The following CA5A variants were observed in gnomAD, a reference collection of about 807,000 sequenced individuals.
The protein encoded by CA5A is carbonic anhydrase 5A, also known as carbonic anhydrase 5A, mitochondrial.
CA5A carries 28 observed loss-of-function variants against 37.1 expected under a neutral mutation model. That is an observed-to-expected ratio of 0.75 (90% CI 0.56 to 1.03). The LOEUF (loss-of-function observed/expected upper bound fraction) is 1.03, where lower values mean the gene tolerates loss of function less well. Among genes scored for constraint, CA5A ranks in the 50% least tolerant of loss-of-function variants. CA5A has a pLI of 0.00. For synonymous variants in CA5A, 171 were observed against 158.4 expected (o/e 1.08, Z -0.60); for missense variants, 444 against 399.9 (o/e 1.11, Z -0.94).
intron 1 of CA5A, among the ~76,000 whole-genome samples, chr16:87,929,032 G>A (rs1190655871): frequency 6.6e-6 from 1 of 150,528 alleles, no homozygotes; most frequent in Non-Finnish European, 1.5e-5. Context: ...GCCTCCCAAA[G>A]TGCTGGGATT....
chr16:87,920,896 C>T (rs1327816880), intron 2 of CA5A, among the ~76,000 whole-genome samples: 1 of 152,128 alleles, frequency 6.6e-6, no homozygotes, highest in Non-Finnish European at 1.5e-5. Flanking sequence ...CAGGTTCAAG[C>T]GATTTTCCTG....
Position 87,926,903 on chromosome 16 carries a change from G to T in CA5A, c.185C>A (p.Thr62Asn), listed in dbSNP as rs1272266017. The change falls in exon 2 of 7, where the codon ACC becomes AAC. Residue 62 changes from threonine (T) to asparagine (N), a missense_variant. By Grantham distance (65) the Thr-to-Asn change is moderately conservative. Coordinates refer to ENST00000649794, the MANE Select transcript of CA5A (RefSeq NM_001739.2). The stretch of plus-strand genomic sequence containing the variant: ...CTGGATGTTAATAGGAGACTGCCGG[G>T]TGCCCCCTGGCACGGAGACCGGGAC... The part of the protein sequence containing the change: ...WTVPVSVPGG[T>N]RQSPINIQWR... The T allele has an allele frequency of 3.1e-6, 5 of 1,605,666 alleles. No homozygotes were observed. Among genetic ancestry groups the T allele is most frequent in the Non-Finnish European group, 4.3e-6 (5 of 1,175,724 alleles).
chr16:87,928,899 G>T (rs1294493952), intron 1 of CA5A, among the ~76,000 whole-genome samples: 6 of 149,718 alleles, frequency 4.0e-5, no homozygotes, highest in Non-Finnish European at 8.9e-5. Context: ...CTCCTGAGTA[G>T]CTCTATTACA....
Position 87,901,982 on chromosome 16 carries a change from G to T in CA5A, c.556-8C>A. 6.2e-7 allele frequency: 1 copy of T among 1,613,070 alleles called. No individual in the cohort carries two copies. The highest frequency in any genetic ancestry group is 8.5e-7 in the Non-Finnish European group (1 of 1,179,200). On this transcript the variant is annotated splice_region_variant and splice_polypyrimidine_tract_variant and intron_variant, in intron 4 of 6. Coordinates refer to ENST00000649794, the MANE Select transcript of CA5A (RefSeq NM_001739.2). ...CTGATGATGGGCCCCGAGCTGCATG[G>T]CAGACAAAGGAGGGGTTAGCTGCAA...
At chr16:87,921,930 C>T (rs2056236567) in intron 2 of CA5A, among the ~76,000 whole-genome samples, 1 of 152,000 alleles carries the variant, frequency 6.6e-6, no homozygotes, top group Non-Finnish European at 1.5e-5. Context: ...TTAAGTGGCA[C>T]AATCCCAGGT....
chr16:87,900,307 G>A (rs112797838), intron 5 of CA5A, among the ~76,000 whole-genome samples: 15 of 152,222 alleles, frequency 9.9e-5, no homozygotes, highest in African/African-American at 3.6e-4. Context: ...TCTCAGAACC[G>A]TGGCCTTGTG....
At chr16:87,888,872 C>T (rs1190902530) in intron 6 of CA5A, among the ~76,000 whole-genome samples, 4 of 152,090 alleles carry the variant, frequency 2.6e-5, no homozygotes, top group Non-Finnish European at 5.9e-5. Context: ...CCTGCCTCGG[C>T]CTCCTGAGTA....
intron 2 of CA5A, among the ~76,000 whole-genome samples, chr16:87,921,587 G>T (rs538275355): frequency 3.3e-5 from 5 of 152,326 alleles, no homozygotes; most frequent in African/African-American, 1.2e-4. Context: ...TGTTCTGAGT[G>T]GCCACGCCCA....
intron 1 of CA5A, among the ~76,000 whole-genome samples, chr16:87,928,797 C>G (rs1357594291): frequency 3.5e-5 from 4 of 115,794 alleles, no homozygotes; most frequent in Non-Finnish European, 4.9e-5. Context: ...GAGACGGAGT[C>G]TCACTCGGTC....
intron 1 of CA5A, among the ~76,000 whole-genome samples, chr16:87,932,258 G>A (rs1401864526): frequency 6.6e-6 from 1 of 152,132 alleles, no homozygotes; most frequent in Non-Finnish European, 1.5e-5. Context: ...TGGCTACACA[G>A]ACCTGAATGT....
downstream of CA5A, chr16:87,887,830 G>T (rs1049285686): frequency 3.6e-6 from 1 of 274,988 alleles, no homozygotes; most frequent in East Asian, 7.4e-5. Flanking sequence ...TCACTGAACC[G>T]TAAGAGAATC....
intron 2 of CA5A, among the ~76,000 whole-genome samples, chr16:87,905,179 C>G (rs1194643751): frequency 6.6e-6 from 1 of 152,064 alleles, no homozygotes; most frequent in East Asian, 1.9e-4. Context: ...TGGTGAGGGC[C>G]TCAACTCCCT....
At chr16:87,891,014 G>A (rs1011341509) in intron 6 of CA5A, among the ~76,000 whole-genome samples, 2 of 151,762 alleles carry the variant, frequency 1.3e-5, no homozygotes, top group Non-Finnish European at 2.9e-5. Context: ...GGCTGGTCTC[G>A]AACTCCTGGC....
intron 1 of CA5A, among the ~76,000 whole-genome samples, chr16:87,929,007 G>T (rs1350843621): frequency 6.7e-6 from 1 of 149,664 alleles, no homozygotes; most frequent in African/African-American, 2.4e-5. Flanking sequence ...CTGACCTTGT[G>T]ATCCACCCGC....
intron 3 of CA5A, among the ~76,000 whole-genome samples, chr16:87,902,806 G>A (rs1469090046): frequency 6.6e-6 from 1 of 151,934 alleles, no homozygotes; most frequent in Non-Finnish European, 1.5e-5. Context: ...CAGGTACTCA[G>A]GAGGCTGAGG....
chr16:87,926,007 G>T (rs1361233511), intron 2 of CA5A, among the ~76,000 whole-genome samples: 2 of 152,204 alleles, frequency 1.3e-5, no homozygotes, highest in East Asian at 3.8e-4. Context: ...CAGATCACCT[G>T]ATGTCAGGGG....
In CA5A at chr16:87,904,891, C is replaced by A. The variant is rs1453654049; in HGVS notation, c.354G>T (p.Gly118=). 4 of 1,608,502 alleles carry A rather than the reference C, an allele frequency of 2.5e-6. No individual in the cohort carries two copies. In the African/African-American group the frequency reaches 4.0e-5, roughly 16 times the overall value. The change falls in exon 3 of 7, where the codon GGG becomes GGT. Residue 118 remains glycine (G), a synonymous_variant. Coordinates refer to ENST00000649794, the MANE Select transcript of CA5A (RefSeq NM_001739.2). ...DATEASGISG[G]PLENHYRLKQ... ...TCAGTCTGTAGTGGTTTTCCAAGGG[C>A]CCACCACTAATTCCTGGAAATAAAG...
In CA5A at chr16:87,888,205, T is replaced by C. The variant is rs779676527; in HGVS notation, c.842A>G (p.Tyr281Cys). 6.2e-7 allele frequency: 1 copy of C among 1,613,870 alleles called. No homozygotes were observed. The highest frequency in any genetic ancestry group is 1.1e-5 in the South Asian group (1 of 91,060). ...GTTCATCAAGGGTTGAAGTGGGCGA[T>C]AGTTGTTCACCATCATCTTCTCCTC... ...GEEEKMMVNN[Y>C]RPLQPLMNRK... Residue 281 changes from tyrosine to cysteine, a missense_variant, in exon 7 of 7, where the codon TAT (tyrosine) becomes TGT (cysteine). Physicochemically the swap from Tyr to Cys is radical, Grantham distance 194. Transcript: ENST00000649794.
intron 5 of CA5A, 30 bp downstream of exon 5, chr16:87,901,882 C>T (rs367977671): frequency 9.4e-6 from 15 of 1,599,834 alleles, no homozygotes; most frequent in South Asian, 6.6e-5. Context: ...CCTCCGCGCC[C>T]GGCCTGCTGA....
Sources: gnomAD v4.1 joint callset for allele counts (sites outside exome capture counted in the v4.1 genomes callset) on GRCh38, gnomAD v4.1.1 for gene constraint, MANE v1.5 for transcripts, NCBI Gene and HGNC (gene_info 2026-07-23, HGNC 2026-07-21) for gene names.